Variants in FBN2 observed in about 807,000 individuals in gnomAD.
The protein encoded by FBN2 is fibrillin 2.
FBN2 carries 105 observed loss-of-function variants against 355.6 expected under a neutral mutation model. The observed-to-expected ratio is 0.30, with a 90% CI of 0.25 to 0.35. The LOEUF (loss-of-function observed/expected upper bound fraction) is 0.35. Ranked by LOEUF, FBN2 falls within the 10% of genes least tolerant of loss-of-function variation. FBN2 has a pLI of 1.00. For missense variants in FBN2, 3,280 were observed against 3,758.7 expected (o/e 0.87, Z 3.33); for synonymous variants, 1,350 against 1,301.2 (o/e 1.04, Z -0.81).
At chr5:128,405,989 T>C (rs1752917862) in intron 8 of FBN2, among the ~76,000 whole-genome samples, 1 of 152,170 alleles carries the variant, frequency 6.6e-6, no homozygotes, top group Non-Finnish European at 1.5e-5. Flanking sequence ...AAGAGTTGAA[T>C]CTATACCTAT....
At chr5:128,376,979 T>A in intron 13 of FBN2, 126 bp from the exon 14 acceptor site, 1 of 1,226,282 alleles carries the variant, frequency 8.2e-7, no homozygotes, top group East Asian at 2.4e-5. Context: ...CTTTTAGTTT[T>A]TTTTAAAAAA....
chr5:128,421,824 T>A (rs1413197485), intron 7 of FBN2, among the ~76,000 whole-genome samples: 1 of 152,194 alleles, frequency 6.6e-6, no homozygotes, highest in East Asian at 1.9e-4. Flanking sequence ...AGCCACCCAA[T>A]GATATCATAT....
intron 6 of FBN2, among the ~76,000 whole-genome samples, chr5:128,454,391 C>T (rs535016514): frequency 1.1e-4 from 16 of 152,138 alleles, no homozygotes; most frequent in Non-Finnish European, 2.2e-4. Context: ...TGTGTTAATA[C>T]AGCATGAATT....
At chr5:128,403,425 C>T (rs1048650215) in intron 8 of FBN2, among the ~76,000 whole-genome samples, 5 of 152,200 alleles carry the variant, frequency 3.3e-5, no homozygotes, top group African/African-American at 1.2e-4. Context: ...TTAACTGGCC[C>T]TTTTGGGTCC....
intron 9 of FBN2, among the ~76,000 whole-genome samples, chr5:128,394,727 T>C (rs546668717): frequency 6.6e-6 from 1 of 152,228 alleles, no homozygotes; most frequent in Non-Finnish European, 1.5e-5. Flanking sequence ...AACACTCAAG[T>C]CATACTGAAA....
chr5:128,531,435 A>G (rs1756703603), intron 2 of FBN2, among the ~76,000 whole-genome samples: 1 of 151,968 alleles, frequency 6.6e-6, no homozygotes. Context: ...GGTGAGGGAT[A>G]AAGGACTACA....
chr5:128,298,563 C>T (rs1182067420), intron 48 of FBN2, among the ~76,000 whole-genome samples: 3 of 152,066 alleles, frequency 2.0e-5, no homozygotes, highest in Non-Finnish European at 4.4e-5. Context: ...TCTAAACTTC[C>T]CTTCTCACTT....
chr5:128,329,051 C>A (rs1205899962), intron 33 of FBN2, among the ~76,000 whole-genome samples: 1 of 152,106 alleles, frequency 6.6e-6, no homozygotes, highest in Non-Finnish European at 1.5e-5. Context: ...TTAACCTGCA[C>A]CCTAACATCC....
At chr5:128,446,014 T>A (rs1215772995) in intron 7 of FBN2, 1 of 155,086 alleles carries the variant, frequency 6.4e-6, no homozygotes. Context: ...GAATCAATAA[T>A]CCATTTAAAA....
At chr5:128,405,384 A>T (rs3805646) in intron 8 of FBN2, among the ~76,000 whole-genome samples, 2 of 151,878 alleles carry the variant, frequency 1.3e-5, no homozygotes, top group African/African-American at 4.8e-5. Flanking sequence ...GAGATGACTC[A>T]GGAATACAGG....
chr5:128,464,945 A>C, intron 5 of FBN2, 24 bp from the exon 6 acceptor site: 1 of 1,611,150 alleles, frequency 6.2e-7, no homozygotes, highest in South Asian at 1.1e-5. Context: ...GAAGAAAGAA[A>C]GACAGGTTTT....
Position 128,350,970 on chromosome 5 carries a change from C to G in FBN2, c.2710G>C (p.Asp904His), listed in dbSNP as rs1751340186. 1.2e-6 allele frequency: 2 copies of G among 1,614,036 alleles called. No homozygotes were observed. The highest frequency in any genetic ancestry group is 2.2e-5 in the South Asian group (2 of 91,086). Residue 904 changes from aspartate (D) to histidine (H), a missense_variant, in exon 21 of 65, where the codon GAC becomes CAC. Physicochemically the swap from Asp to His is moderately conservative, Grantham distance 81 (BLOSUM62 -1). Transcript: ENST00000262464. The stretch of plus-strand genomic sequence containing the variant: ...TTAATATTCACCTCACAGCGGCTGT[C>G]CTGGATGTTGAGCCAACAGGTCCCC... ...LKGTCWLNIQ[D>H]SRCEVNINGA...
chr5:128,303,219 T>C, intron 45 of FBN2, 130 bp from the exon 46 acceptor site: 1 of 675,006 alleles, frequency 1.5e-6, no homozygotes, highest in Non-Finnish European at 2.7e-6. Flanking sequence ...TCATATCTAC[T>C]TGAGGAAAAT....
intron 23 of FBN2, among the ~76,000 whole-genome samples, chr5:128,346,605 T>C (rs992348299): frequency 3.9e-5 from 6 of 152,092 alleles, no homozygotes; most frequent in Non-Finnish European, 8.8e-5. Context: ...GTTCTATTTT[T>C]TTTCTTTCTT....
rs150886031 is a variant in FBN2 at position 128,320,712 on chromosome 5, T to C, written c.4472-1711A>G. Among the ~76,000 whole-genome samples, 97 of 152,350 alleles carry C rather than the reference T, an allele frequency of 6.4e-4. 1 individual carries two copies. The highest frequency in any genetic ancestry group is 1.0e-3 in the Non-Finnish European group (71 of 68,022). On this transcript the variant is annotated intron_variant, in intron 34 of 64. Coordinates refer to ENST00000262464, the MANE Select transcript of FBN2 (RefSeq NM_001999.4). Reference sequence around the variant, plus strand: ...TCTATCTAGAAAGAATCATTTAAGATGATGAGACATTTTTATATACATATT... The same window carrying C: ...TCTATCTAGAAAGAATCATTTAAGACGATGAGACATTTTTATATACATATT...
chr5:128,288,981 T>G, intron 52 of FBN2, 146 bp downstream of exon 52: 1 of 800,074 alleles, frequency 1.2e-6, no homozygotes, highest in Non-Finnish European at 2.1e-6. Flanking sequence ...CTGGAAAATG[T>G]AAGACTGGTG....
chr5:128,333,822 T>C (rs550824355), intron 31 of FBN2, among the ~76,000 whole-genome samples: 14 of 145,684 alleles, frequency 9.6e-5, no homozygotes, highest in Admixed American at 7.1e-4. Context: ...AACGATTACA[T>C]ATTATAGATG....
At chr5:128,388,010 A>T (rs531991055) in intron 11 of FBN2, among the ~76,000 whole-genome samples, 11 of 152,200 alleles carry the variant, frequency 7.2e-5, no homozygotes, top group Non-Finnish European at 1.5e-4. Context: ...AACTTGTTTT[A>T]TGAATCTGGA....
chr5:128,479,964 CTCTCTCTCTCTCTATATATATATATATA>C (rs1207737729), intron 5 of FBN2, among the ~76,000 whole-genome samples: 78 of 34,854 alleles, frequency 2.2e-3, no homozygotes, highest in Admixed American at 7.6e-3. Flanking sequence ...CTCTCTCTCT[CTCTCTCTCTCTCTATATATATATATATA>C]TATATATATA....
Sources: gnomAD v4.1 joint callset for allele counts (sites outside exome capture counted in the v4.1 genomes callset) on GRCh38, gnomAD v4.1.1 for gene constraint, MANE v1.5 for transcripts, NCBI Gene and HGNC (gene_info 2026-07-23, HGNC 2026-07-21) for gene names.